The following CADPS variants were observed in gnomAD, a reference collection of about 807,000 sequenced individuals.
CADPS encodes calcium dependent secretion activator.
In CADPS, 57 loss-of-function variants were observed where a neutral mutation model predicts 167.3. That is an observed-to-expected ratio of 0.34 (90% CI 0.28 to 0.42). CADPS has a LOEUF of 0.42. Ranked by LOEUF, CADPS falls within the 20% of genes least tolerant of loss-of-function variation. CADPS has a pLI of 1.00. For missense variants in CADPS, 1,414 were observed against 1,738.1 expected (o/e 0.81, Z 3.32); for synonymous variants, 676 against 635.3 (o/e 1.06, Z -0.96).
At chr3:62,599,542 A>G (rs1317777307) in intron 6 of CADPS, among the ~76,000 whole-genome samples, 46 of 98,090 alleles carry the variant, frequency 4.7e-4, no homozygotes, top group African/African-American at 1.8e-3. Flanking sequence ...TATATATATT[A>G]TATATAATAT....
chr3:62,780,884 A>G (rs1008924905), intron 1 of CADPS, among the ~76,000 whole-genome samples: 9 of 152,164 alleles, frequency 5.9e-5, no homozygotes, highest in Admixed American at 5.9e-4. Context: ...CATGTTTTTA[A>G]CTTTGTGAAA....
At chr3:62,780,342 C>T (rs553403) in intron 1 of CADPS, among the ~76,000 whole-genome samples, 120,347 of 151,482 alleles carry the variant, frequency 0.79, 49,253 homozygotes, top group East Asian at 0.91. Flanking sequence ...TGTTTGAGCC[C>T]AGAAGCTTGA....
At chr3:62,712,712 T>TA (rs1339986269) in intron 3 of CADPS, among the ~76,000 whole-genome samples, 1 of 152,204 alleles carries the variant, frequency 6.6e-6, no homozygotes, top group Non-Finnish European at 1.5e-5. Context: ...AATGCACTTT[T>TA]AAAAATATGT....
At position 62,698,731 on chromosome 3, in the gene CADPS, C is replaced by CTTTTTT. The variant is rs201324385; in HGVS notation, c.889-36343_889-36338dup. ...TCTCCTTTCCTTTCCTCCCCACTTC[C>CTTTTTT]TTTTTTTTTTTTTTTTTTTTTTTTT... On this transcript the variant is annotated intron_variant, in intron 3 of 29. Transcript: ENST00000383710. Among the ~76,000 whole-genome samples the CTTTTTT allele has an allele frequency of 9.5e-4, 64 of 67,240 alleles. 10 individuals carry two copies. The highest frequency in any genetic ancestry group is 3.0e-3 in the African/African-American group (50 of 16,668). The allele number at this position is 67,240 out of a possible 152,430, so 44.1% of individuals were successfully genotyped here. A position where few individuals can be genotyped will look rare whatever the true frequency, so the allele number is the denominator to read the frequency against.
At chr3:62,598,036 A>G (rs2059172472) in intron 6 of CADPS, among the ~76,000 whole-genome samples, 1 of 152,192 alleles carries the variant, frequency 6.6e-6, no homozygotes, top group Non-Finnish European at 1.5e-5. Context: ...CATTCAAGGT[A>G]CTAAAATATA....
chr3:62,538,916 C>T (rs1420262246), intron 11 of CADPS, among the ~76,000 whole-genome samples: 4 of 152,158 alleles, frequency 2.6e-5, no homozygotes, highest in Non-Finnish European at 5.9e-5. Context: ...CCCCTCAGTC[C>T]ATCACAATGG....
intron 1 of CADPS, among the ~76,000 whole-genome samples, chr3:62,838,610 C>A (rs1441032200): frequency 6.6e-6 from 1 of 152,140 alleles, no homozygotes; most frequent in Non-Finnish European, 1.5e-5. Flanking sequence ...CCTGACTTTG[C>A]TAATTTCTAA....
intron 28 of CADPS, among the ~76,000 whole-genome samples, chr3:62,429,507 C>G (rs1490038818): frequency 6.6e-6 from 1 of 152,088 alleles, no homozygotes; most frequent in Non-Finnish European, 1.5e-5. Context: ...GAAATAGTTA[C>G]TTGTTTAATA....
intron 1 of CADPS, among the ~76,000 whole-genome samples, chr3:62,782,417 C>T (rs375278141): frequency 1.5e-4 from 23 of 152,172 alleles, no homozygotes; most frequent in Middle Eastern, 3.2e-3. Flanking sequence ...AAAAAGCAAA[C>T]GATCTTGCCC....
In CADPS at chr3:62,478,214, G is replaced by A; in HGVS notation, c.3329+47C>T. On this transcript the variant is annotated intron_variant, in intron 23 of 29. Coordinates refer to ENST00000383710, the MANE Select transcript of CADPS (RefSeq NM_003716.4). This position sits in a 1 kb window ranked among gnomAD's most constrained non-coding sequence, Gnocchi z 5.7. The stretch of plus-strand genomic sequence containing the variant: ...GCCATCTACCCTTCCCTGAGTCTGT[G>A]TATGGTGGGGAGGGTGTGCAGAACC... 1 of 1,597,498 alleles carries A rather than the reference G, an allele frequency of 6.3e-7. No homozygotes were observed. Among genetic ancestry groups the A allele is most frequent in the Non-Finnish European group, 8.6e-7 (1 of 1,166,316 alleles).
chr3:62,524,502 A>C (rs2071550442), intron 13 of CADPS, among the ~76,000 whole-genome samples: 2 of 152,208 alleles, frequency 1.3e-5, no homozygotes, highest in South Asian at 4.1e-4. Context: ...AGTTTCTACA[A>C]TATTACAAGT....
intron 27 of CADPS, chr3:62,439,125 T>G (rs2149789152): frequency 6.6e-6 from 1 of 152,214 alleles, no homozygotes; most frequent in African/African-American, 2.4e-5. Flanking sequence ...ACCCCTCAAA[T>G]TTCCACAGTA....
chr3:62,834,044 A>G (rs1217660099), intron 1 of CADPS, among the ~76,000 whole-genome samples: 1 of 152,164 alleles, frequency 6.6e-6, no homozygotes, highest in African/African-American at 2.4e-5. Context: ...GCACATTTGT[A>G]TTTTGTAAGT....
intron 7 of CADPS, among the ~76,000 whole-genome samples, chr3:62,589,600 A>C (rs376250836): frequency 5.9e-5 from 9 of 152,160 alleles, no homozygotes; most frequent in African/African-American, 2.2e-4. Context: ...TCTTCTGTAC[A>C]AGAGAGGTGA....
chr3:62,725,207 A>C (rs1048559306), intron 3 of CADPS, among the ~76,000 whole-genome samples: 19 of 152,242 alleles, frequency 1.2e-4, no homozygotes, highest in African/African-American at 4.6e-4. Flanking sequence ...GGAATAGTCC[A>C]CACCTGCACT....
At chr3:62,417,567 G>A (rs1308049975) in intron 28 of CADPS, among the ~76,000 whole-genome samples, 2 of 152,054 alleles carry the variant, frequency 1.3e-5, no homozygotes, top group Non-Finnish European at 2.9e-5. Flanking sequence ...TTAAAGGCGT[G>A]AGCCACTGCA....
chr3:62,698,731 CTTTTTTTTTT>C (rs201324385), intron 3 of CADPS, among the ~76,000 whole-genome samples: 1,118 of 67,194 alleles, frequency 0.017, 20 homozygotes, highest in South Asian at 0.041. Context: ...TCCCCACTTC[CTTTTTTTTTT>C]TTTTTTTTTT....
intron 3 of CADPS, among the ~76,000 whole-genome samples, chr3:62,684,855 A>G (rs2151115550): frequency 6.6e-6 from 1 of 152,116 alleles, no homozygotes; most frequent in South Asian, 2.1e-4. Context: ...GACATTTACT[A>G]GACAGTTTCT....
intron 21 of CADPS, among the ~76,000 whole-genome samples, chr3:62,490,182 G>C (rs2063470639): frequency 6.6e-6 from 1 of 152,086 alleles, no homozygotes; most frequent in Non-Finnish European, 1.5e-5. Context: ...CTGAGGAAAG[G>C]CCTCATGAAT....
Sources: allele counts gnomAD v4.1 joint callset (sites outside exome capture counted in the v4.1 genomes callset), GRCh38; gene constraint gnomAD v4.1.1; non-coding constraint Gnocchi (gnomAD v3.1); transcripts MANE v1.5; gene names NCBI Gene and HGNC (gene_info 2026-07-23, HGNC 2026-07-21).